Variants in CCNB2 observed in about 807,000 individuals in gnomAD.
The protein encoded by CCNB2 is G2/mitotic-specific cyclin-B2.
A neutral mutation model predicts 51.1 loss-of-function variants in CCNB2; 39 were observed. The ratio of observed to expected loss-of-function variants is 0.76; its 90% CI spans 0.59 to 1.00. The LOEUF is 1.00. Among genes scored for constraint, CCNB2 ranks in the 50% least tolerant of loss-of-function variants. The pLI is 0.00. For synonymous variants in CCNB2, 174 were observed against 165.5 expected, an observed-to-expected ratio of 1.05 and a Z score of -0.40; for missense variants, 472 against 470.3, an observed-to-expected ratio of 1.00 and a Z score of -0.03.
chr15:59,106,837 T>C (rs989897664), intron 1 of CCNB2, among the ~76,000 whole-genome samples: 2 of 152,222 alleles, frequency 1.3e-5, no homozygotes, highest in South Asian at 4.1e-4. Context: ...TCAAAGCTAG[T>C]TTAGGTTTTA....
intron 7 of CCNB2, 80 bp downstream of exon 7, chr15:59,117,448 A>G (rs2079283898): frequency 1.4e-6 from 2 of 1,398,820 alleles, no homozygotes; most frequent in African/African-American, 1.4e-5. Flanking sequence ...CATTTTTACA[A>G]CACTATCCTT....
intron 5 of CCNB2, 136 bp downstream of exon 5, chr15:59,115,012 G>T: frequency 1.1e-6 from 1 of 902,316 alleles, no homozygotes; most frequent in Admixed American, 2.3e-5. Context: ...GAACTTTGGG[G>T]ACTAAAAAGG....
At chr15:59,120,607 A>G (rs757574749) in intron 7 of CCNB2, among the ~76,000 whole-genome samples, 43 of 152,172 alleles carry the variant, frequency 2.8e-4, no homozygotes, top group Non-Finnish European at 5.6e-4. Context: ...AAAATAAAAG[A>G]GGGGTTCATT....
intron 1 of CCNB2, among the ~76,000 whole-genome samples, chr15:59,106,825 A>G (rs955937008): frequency 2.6e-5 from 4 of 152,256 alleles, no homozygotes; most frequent in Non-Finnish European, 5.9e-5. Flanking sequence ...ATGGCATAAG[A>G]ATCAAAGCTA....
In CCNB2 at chr15:59,105,260, C is replaced by G. The variant is rs1286072024; in HGVS notation, c.-9C>G. 1 of 1,566,854 alleles carries G rather than the reference C, an allele frequency of 6.4e-7. No homozygotes were observed. The highest frequency in any genetic ancestry group is 1.2e-5 in the South Asian group (1 of 85,416). On this transcript the variant is annotated 5_prime_UTR_variant, in exon 1 of 9. Coordinates refer to ENST00000288207, the MANE Select transcript of CCNB2 (RefSeq NM_004701.4). ...GGCCGGGCTGGCACTCTTGCCTTCCCCGTCCCTCATGGCGCTGCTCCGACG... is the reference window on the plus strand; with the variant it reads ...GGCCGGGCTGGCACTCTTGCCTTCCGCGTCCCTCATGGCGCTGCTCCGACG...
chr15:59,123,360 G>A (rs2079311412), intron 7 of CCNB2, among the ~76,000 whole-genome samples, 157 bp from the exon 8 acceptor site: 2 of 152,204 alleles, frequency 1.3e-5, no homozygotes, highest in Non-Finnish European at 2.9e-5. Context: ...TACTGTGAGA[G>A]TGGTTAGGGC....
At chr15:59,109,139 C>T (rs1368992284) in intron 3 of CCNB2, among the ~76,000 whole-genome samples, 3 of 152,182 alleles carry the variant, frequency 2.0e-5, no homozygotes, top group Non-Finnish European at 4.4e-5. Context: ...CAACCTCCGC[C>T]TCCCGGGTTC....
intron 4 of CCNB2, 32 bp downstream of exon 4, chr15:59,114,646 G>GA: frequency 6.3e-7 from 1 of 1,586,908 alleles, no homozygotes; most frequent in South Asian, 1.1e-5. Context: ...GGTTGTATAA[G>GA]CAATGTGGAA....
intron 7 of CCNB2, among the ~76,000 whole-genome samples, chr15:59,119,345 TA>T (rs1406454455): frequency 2.0e-5 from 3 of 151,466 alleles, no homozygotes; most frequent in Non-Finnish European, 2.9e-5. Context: ...CCTGTAGTCC[TA>T]GTTACTCAGG....
In CCNB2 at chr15:59,124,908, A is replaced by T. The variant is rs370891621; in HGVS notation, c.*31A>T. ...CGTGGCCCCTGGGGATGTGTGCTTC[A>T]TTGTGCCCTTTTTCTTATTGGTTTA... On this transcript the variant is annotated 3_prime_UTR_variant, in exon 9 of 9. Coordinates refer to ENST00000288207, the MANE Select transcript of CCNB2 (RefSeq NM_004701.4). 4.8e-5 allele frequency: 63 copies of T among 1,320,804 alleles called. No homozygotes were observed. Among genetic ancestry groups the T allele is most frequent in the Non-Finnish European group, 6.0e-5 (58 of 959,694 alleles). 81.8% of individuals were successfully genotyped at this position (1,320,804 alleles called of 1,614,324 possible).
At chr15:59,109,984 C>CA (rs2079251568) in intron 3 of CCNB2, among the ~76,000 whole-genome samples, 1 of 151,602 alleles carries the variant, frequency 6.6e-6, no homozygotes, top group South Asian at 2.1e-4. Flanking sequence ...GACTCTGTCT[C>CA]AAAAAACAAC....
intron 7 of CCNB2, among the ~76,000 whole-genome samples, chr15:59,121,795 G>T (rs1436904001): frequency 6.6e-6 from 1 of 151,850 alleles, no homozygotes; most frequent in Non-Finnish European, 1.5e-5. Context: ...AGCTGGGCGT[G>T]GTGGCACATG....
rs765464570 is a variant in CCNB2, at chr15:59,114,802, C to G, written c.523C>G (p.Gln175Glu). The G allele has an allele frequency of 1.2e-5, 19 of 1,614,016 alleles. No individual in the cohort carries two copies. The highest frequency in any genetic ancestry group is 3.3e-4 in the Middle Eastern group (2 of 6,084). ...TGCCATCCTAGTGGATTGGCTGGTA[C>G]AAGTCCACTCCAAGTTTAGGCTTCT... is the stretch of plus-strand genomic sequence containing the variant. ...MRAILVDWLV[Q>E]VHSKFRLLQE... Residue 175 changes from glutamine to glutamate, a missense_variant, in exon 5 of 9, where the codon CAA becomes GAA. By Grantham distance (29) the Gln-to-Glu change is conservative (BLOSUM62 2). Coordinates refer to ENST00000288207, the MANE Select transcript of CCNB2 (RefSeq NM_004701.4).
chr15:59,112,841 T>C (rs1437091272), intron 3 of CCNB2, among the ~76,000 whole-genome samples: 5 of 151,654 alleles, frequency 3.3e-5, no homozygotes, highest in African/African-American at 7.3e-5. Context: ...GAGACCATCC[T>C]GGCTAACACG....
At chr15:59,122,340 C>T (rs2079306535) in intron 7 of CCNB2, among the ~76,000 whole-genome samples, 1 of 143,594 alleles carries the variant, frequency 7.0e-6, no homozygotes, top group African/African-American at 2.6e-5. Context: ...CCTCTGCCTC[C>T]CGGGTTCCAG....
At chr15:59,122,727 G>A (rs886841699) in intron 7 of CCNB2, among the ~76,000 whole-genome samples, 2 of 151,482 alleles carry the variant, frequency 1.3e-5, no homozygotes, top group East Asian at 3.9e-4. Flanking sequence ...ATAGAGATAG[G>A]GTCTCCCAAT....
chr15:59,105,385 C>A, intron 1 of CCNB2, 93 bp downstream of exon 1: 1 of 1,377,138 alleles, frequency 7.3e-7, no homozygotes, highest in Non-Finnish European at 9.9e-7. Context: ...TTCTCCGTCC[C>A]AACCGGGGCT....
chr15:59,116,084 A>AG (rs1381037696), intron 5 of CCNB2: 1 of 151,664 alleles, frequency 6.6e-6, no homozygotes, highest in Non-Finnish European at 1.5e-5. Context: ...AGAGTTTGGG[A>AG]GGAAAAAAAA....
At chr15:59,122,241 CTTT>C (rs1162917277) in intron 7 of CCNB2, among the ~76,000 whole-genome samples, 12 of 73,002 alleles carry the variant, frequency 1.6e-4, no homozygotes, top group African/African-American at 2.9e-4. Flanking sequence ...GTTGACATAT[CTTT>C]TTTTTTTTTT....
Sources: allele counts gnomAD v4.1 joint callset (sites outside exome capture counted in the v4.1 genomes callset), GRCh38; gene constraint gnomAD v4.1.1; transcripts MANE v1.5; gene names NCBI Gene and HGNC (gene_info 2026-07-23, HGNC 2026-07-21).